ZHX2: variants seen among roughly 807,000 people sequenced by gnomAD.
ZHX2 encodes the protein zinc fingers and homeoboxes 2.
Under a neutral mutation model 21.9 loss-of-function variants are expected in ZHX2, and 6 were observed. That is an observed-to-expected ratio of 0.27 (90% confidence interval 0.15 to 0.54). ZHX2 has a LOEUF of 0.54. ZHX2 is among the 20% of genes least tolerant of loss of function. ZHX2 has a pLI of 0.95. For missense variants in ZHX2, 908 were observed against 1,090.7 expected, an observed-to-expected ratio of 0.83 and a Z score of 2.36; for synonymous variants, 434 against 437.1, an observed-to-expected ratio of 0.99 and a Z score of 0.09.
intron 2 of ZHX2, among the ~76,000 whole-genome samples, chr8:122,901,351 C>T (rs141708679): frequency 1.2e-4 from 18 of 152,282 alleles, no homozygotes; most frequent in African/African-American, 4.1e-4. Context: ...AATGCAGATC[C>T]CTCCTACTCT....
intron 2 of ZHX2, among the ~76,000 whole-genome samples, chr8:122,932,830 C>CCTTTTT (rs1164818393): frequency 6.6e-6 from 1 of 151,990 alleles, no homozygotes; most frequent in Non-Finnish European, 1.5e-5. Flanking sequence ...TCTTTGAGGA[C>CCTTTTT]CATTTTTCAG....
At chr8:122,922,005 G>A (rs1297172497) in intron 2 of ZHX2, among the ~76,000 whole-genome samples, 4 of 152,076 alleles carry the variant, frequency 2.6e-5, no homozygotes. Flanking sequence ...AATACACAGG[G>A]GCCTCTAGAA....
intron 1 of ZHX2, among the ~76,000 whole-genome samples, chr8:122,850,408 C>T (rs577589250): frequency 5.3e-5 from 8 of 152,190 alleles, no homozygotes; most frequent in South Asian, 2.1e-4. Context: ...GAGGCCAAGA[C>T]GGGCAGATCA....
chr8:122,899,512 A>G (rs1236456289), intron 2 of ZHX2, among the ~76,000 whole-genome samples: 1 of 152,224 alleles, frequency 6.6e-6, no homozygotes, highest in African/African-American at 2.4e-5. Flanking sequence ...GAAATATTTT[A>G]AATAACAAGC....
At chr8:122,811,371 A>G (rs1817924889) in intron 1 of ZHX2, among the ~76,000 whole-genome samples, 1 of 152,148 alleles carries the variant, frequency 6.6e-6, no homozygotes, top group African/African-American at 2.4e-5. Flanking sequence ...ACAGAGCGAG[A>G]CCCTGTCTCA....
At chr8:122,899,473 C>T (rs933747625) in intron 2 of ZHX2, among the ~76,000 whole-genome samples, 6 of 152,140 alleles carry the variant, frequency 3.9e-5, no homozygotes, top group South Asian at 2.1e-4. Context: ...TGGAGCCAAA[C>T]GGGATTGATT....
chr8:122,833,312 T>C (rs544906858), intron 1 of ZHX2, among the ~76,000 whole-genome samples: 5 of 152,186 alleles, frequency 3.3e-5, no homozygotes, highest in Non-Finnish European at 2.9e-5. Context: ...ATTGGTGTGT[T>C]AAAAGGGGAG....
intron 3 of ZHX2, among the ~76,000 whole-genome samples, chr8:122,958,686 C>T (rs1012762807): frequency 3.3e-5 from 5 of 152,214 alleles, no homozygotes; most frequent in African/African-American, 1.2e-4. Flanking sequence ...ACTGTCAGGC[C>T]AGTGCCTGAC....
rs1166664137 is a variant in ZHX2 at position 122,828,381 on chromosome 8, G to C, written c.-282-35096G>C. On this transcript the variant is annotated intron_variant, in intron 1 of 3. Transcript: ENST00000314393. The surrounding 1 kb of genome is among the most constrained non-coding windows in gnomAD (Gnocchi z 5.2). ...GGAAGAGGATCTCACTCACACACCA[G>C]GAGACTGGAGGGAGGGTGCATTCTT... Among the ~76,000 whole-genome samples, 1 of 152,200 alleles carries C rather than the reference G, an allele frequency of 6.6e-6. No homozygotes were observed. Among genetic ancestry groups the C allele is most frequent in the Admixed American group, 6.5e-5 (1 of 15,280 alleles).
intron 2 of ZHX2, among the ~76,000 whole-genome samples, chr8:122,878,837 T>C (rs1819630884): frequency 6.6e-6 from 1 of 152,170 alleles, no homozygotes; most frequent in Non-Finnish European, 1.5e-5. Context: ...CTTGAGATAT[T>C]CATATAATTT....
intron 2 of ZHX2, among the ~76,000 whole-genome samples, chr8:122,899,893 A>C (rs908273167): frequency 3.3e-5 from 5 of 152,186 alleles, no homozygotes; most frequent in African/African-American, 1.2e-4. Flanking sequence ...TGCTTTCCTC[A>C]CTGGCTTTGT....
At chr8:122,927,323 C>T (rs1242956583) in intron 2 of ZHX2, among the ~76,000 whole-genome samples, 1 of 152,010 alleles carries the variant, frequency 6.6e-6, no homozygotes, top group Non-Finnish European at 1.5e-5. Context: ...GGTGAAACGC[C>T]GTCTCTACTA....
At chr8:122,894,295 T>A (rs1820045989) in intron 2 of ZHX2, among the ~76,000 whole-genome samples, 1 of 152,190 alleles carries the variant, frequency 6.6e-6, no homozygotes, top group African/African-American at 2.4e-5. Flanking sequence ...TACCACCCAG[T>A]TTCCCAAGGG....
intron 2 of ZHX2, among the ~76,000 whole-genome samples, chr8:122,881,061 A>G (rs1045472237): frequency 6.6e-6 from 1 of 152,202 alleles, no homozygotes; most frequent in Admixed American, 6.5e-5. Context: ...ATTAACGCCC[A>G]TTGACCTACG....
chr8:122,803,608 A>G (rs528106339), intron 1 of ZHX2, among the ~76,000 whole-genome samples: 9 of 152,330 alleles, frequency 5.9e-5, no homozygotes, highest in South Asian at 2.1e-4. Flanking sequence ...GATTTTGTCA[A>G]ATGTGCCCTC....
At chr8:122,946,874 T>G (rs1812988132) in intron 2 of ZHX2, among the ~76,000 whole-genome samples, 1 of 151,976 alleles carries the variant, frequency 6.6e-6, no homozygotes, top group African/African-American at 2.4e-5. Flanking sequence ...TGCACACGCA[T>G]GCACACACAC....
chr8:122,952,445 C>T lies in ZHX2; in HGVS notation c.935C>T (p.Thr312Ile), dbSNP rs2130282375. The T allele has an allele frequency of 6.2e-7, 1 of 1,614,158 alleles. No individual in the cohort carries two copies. Among genetic ancestry groups the T allele is most frequent in the Non-Finnish European group, 8.5e-7 (1 of 1,180,038 alleles). The change falls in exon 3 of 4, where the codon ACC becomes ATC. Residue 312 changes from threonine (T) to isoleucine (I), a missense_variant. This residue lies in a region of ZHX2 where 232 missense variants were observed against 361.8 expected (regional missense o/e 0.64). Coordinates refer to ENST00000314393, the MANE Select transcript of ZHX2 (RefSeq NM_014943.5). The surrounding 1 kb of genome is among the most constrained non-coding windows in gnomAD (Gnocchi z 6.9). ...PEEHIRIWFATQRLKHGISWS... is the reference protein window; with the variant it reads ...PEEHIRIWFAIQRLKHGISWS... ...GAGCACATCAGAATCTGGTTTGCCA[C>T]CCAGCGCTTAAAGCATGGCATCAGC...
chr8:122,895,244 G>A (rs571181948), intron 2 of ZHX2, among the ~76,000 whole-genome samples: 50 of 152,314 alleles, frequency 3.3e-4, no homozygotes, highest in African/African-American at 1.2e-3. Flanking sequence ...CATCATAGGG[G>A]AGGTGTGAGC....
intron 1 of ZHX2, among the ~76,000 whole-genome samples, chr8:122,855,758 A>G (rs1470496781): frequency 6.6e-6 from 1 of 152,104 alleles, no homozygotes; most frequent in African/African-American, 2.4e-5. Flanking sequence ...TAAAACATTT[A>G]ATAAAGGGTT....
Sources: allele counts gnomAD v4.1 joint callset (sites outside exome capture counted in the v4.1 genomes callset), GRCh38; gene constraint gnomAD v4.1.1; regional missense constraint gnomAD v4.1.1; non-coding constraint Gnocchi (gnomAD v3.1); transcripts MANE v1.5; gene names NCBI Gene and HGNC (gene_info 2026-07-23, HGNC 2026-07-21).